Variants in ROBO2 observed in about 807,000 individuals in gnomAD.
The protein encoded by ROBO2 is roundabout guidance receptor 2.
In ROBO2, 53 loss-of-function variants were observed where a neutral mutation model predicts 160.8. The ratio of observed to expected loss-of-function variants is 0.33; its 90% CI spans 0.26 to 0.41. The LOEUF (loss-of-function observed/expected upper bound fraction) is 0.41. Among genes scored for constraint, ROBO2 ranks in the 10% least tolerant of loss-of-function variants. The probability of loss-of-function intolerance (pLI) is 1.00; values close to 1 mark genes in which losing one functional copy is unlikely to be tolerated. For missense variants in ROBO2, 1,577 were observed against 1,722.4 expected (o/e 0.92, Z 1.49); for synonymous variants, 664 against 611.7 (o/e 1.09, Z -1.26).
At chr3:76,874,997 C>A (rs975935438) in intron 2 of ROBO2, among the ~76,000 whole-genome samples, 1 of 152,150 alleles carries the variant, frequency 6.6e-6, no homozygotes, top group Non-Finnish European at 1.5e-5. Context: ...CATGTGTCCC[C>A]TCCAAAATTG....
chr3:75,941,285 C>T (rs997186380), intron 2 of ROBO2, among the ~76,000 whole-genome samples: 7 of 152,074 alleles, frequency 4.6e-5, no homozygotes, highest in Admixed American at 4.6e-4. Context: ...ATGGCTTTAA[C>T]AAAGAAGTGC....
At chr3:75,977,111 G>C (rs1354109064) in intron 2 of ROBO2, among the ~76,000 whole-genome samples, 1 of 151,360 alleles carries the variant, frequency 6.6e-6, no homozygotes, top group Non-Finnish European at 1.5e-5. Context: ...TATATGATAT[G>C]GTTAAAAGCA....
intron 2 of ROBO2, among the ~76,000 whole-genome samples, chr3:77,395,840 C>T (rs904648781): frequency 2.6e-5 from 4 of 151,912 alleles, no homozygotes; most frequent in Non-Finnish European, 5.9e-5. Flanking sequence ...TTTTGCATAG[C>T]GTCTTGTATA....
chr3:76,229,368 A>G (rs962483323), intron 2 of ROBO2, among the ~76,000 whole-genome samples: 4 of 151,966 alleles, frequency 2.6e-5, no homozygotes, highest in African/African-American at 9.7e-5. Context: ...AATTCAAAGT[A>G]AAATTACAAT....
intron 2 of ROBO2, among the ~76,000 whole-genome samples, chr3:76,492,079 T>C (rs1207733440): frequency 6.6e-6 from 1 of 152,000 alleles, no homozygotes. Flanking sequence ...ATCGTGCCAC[T>C]GCACTCCAGC....
At chr3:76,934,602 ATGG>A (rs2077569082) in intron 2 of ROBO2, among the ~76,000 whole-genome samples, 2 of 152,202 alleles carry the variant, frequency 1.3e-5, no homozygotes, top group South Asian at 4.2e-4. Flanking sequence ...TTAGCTGGAC[ATGG>A]TGGTGCATGC....
At chr3:76,543,807 T>C (rs907755233) in intron 2 of ROBO2, among the ~76,000 whole-genome samples, 2 of 151,972 alleles carry the variant, frequency 1.3e-5, no homozygotes, top group Non-Finnish European at 2.9e-5. Context: ...CAGACCATCT[T>C]TTTTTTGAAA....
chr3:76,328,919 T>TA (rs1438820628), intron 2 of ROBO2, among the ~76,000 whole-genome samples: 6 of 148,048 alleles, frequency 4.1e-5, no homozygotes, highest in African/African-American at 1.5e-4. Flanking sequence ...TATATATATA[T>TA]ATATATATAT....
intron 2 of ROBO2, among the ~76,000 whole-genome samples, chr3:75,977,809 C>T (rs1480116838): frequency 6.6e-6 from 1 of 151,486 alleles, no homozygotes. Context: ...ATTATTTTCA[C>T]TATTTACAAC....
chr3:77,100,497 T>C (rs1468176994), intron 2 of ROBO2, among the ~76,000 whole-genome samples: 2 of 151,928 alleles, frequency 1.3e-5, no homozygotes, highest in African/African-American at 4.8e-5. Context: ...AACTAATATG[T>C]ATTTTCATAA....
At chr3:76,307,975 G>A (rs1475144761) in intron 2 of ROBO2, among the ~76,000 whole-genome samples, 2 of 152,174 alleles carry the variant, frequency 1.3e-5, no homozygotes, top group African/African-American at 4.8e-5. Flanking sequence ...ACAGGGATGA[G>A]CAAAGGCTTG....
At chr3:77,513,696 C>G (rs116762677) in intron 5 of ROBO2, among the ~76,000 whole-genome samples, 3,325 of 151,832 alleles carry the variant, frequency 0.022, 117 homozygotes, top group African/African-American at 0.075. Context: ...TGACACAATT[C>G]AGTTTTCGTT....
At chr3:76,156,763 T>G (rs1050177391) in intron 2 of ROBO2, among the ~76,000 whole-genome samples, 1 of 151,964 alleles carries the variant, frequency 6.6e-6, no homozygotes, top group Non-Finnish European at 1.5e-5. Context: ...AAGTCAGGAG[T>G]TGGAGACCAG....
intron 2 of ROBO2, among the ~76,000 whole-genome samples, chr3:76,712,422 C>A (rs992188920): frequency 6.6e-6 from 1 of 152,226 alleles, no homozygotes; most frequent in Non-Finnish European, 1.5e-5. Context: ...CACCTGTAAT[C>A]TCAGCACTTT....
intron 2 of ROBO2, among the ~76,000 whole-genome samples, chr3:77,384,420 ATT>A (rs1302859529): frequency 6.6e-6 from 1 of 152,084 alleles, no homozygotes; most frequent in Non-Finnish European, 1.5e-5. Context: ...CTTCAATGTT[ATT>A]TATCTTTAAA....
At chr3:76,248,921 C>T (rs553896410) in intron 2 of ROBO2, among the ~76,000 whole-genome samples, 3 of 152,152 alleles carry the variant, frequency 2.0e-5, no homozygotes, top group African/African-American at 7.2e-5. Flanking sequence ...TACGCTGGTA[C>T]TAGCACAGAT....
chr3:76,485,293 G>A (rs1339963250), intron 2 of ROBO2, among the ~76,000 whole-genome samples: 1 of 151,922 alleles, frequency 6.6e-6, no homozygotes, highest in East Asian at 1.9e-4. Flanking sequence ...ATTCTCACAA[G>A]GAGCACGCAA....
chr3:77,211,213 A>C (rs1443800424), intron 2 of ROBO2, among the ~76,000 whole-genome samples: 1 of 152,172 alleles, frequency 6.6e-6, no homozygotes, highest in Non-Finnish European at 1.5e-5. Context: ...CAACAGTGTA[A>C]AAGTGTTCCT....
rs1014901072 is a variant in ROBO2 at position 76,527,317 on chromosome 3, G to T, written c.110-570697G>T. 3.3e-5 allele frequency among the ~76,000 whole-genome samples: 5 copies of T among 151,914 alleles called. No homozygotes were observed. In the South Asian group the frequency reaches 1.0e-3, roughly 32 times the overall value. ...AATCTATCACTAATTTTTTTAAAAA[G>T]TCAGAAGTGCAAGGGATCTTATGGA... On this transcript the variant is annotated intron_variant, in intron 2 of 26. Coordinates refer to the ROBO2 transcript ENST00000487694.
Sources: gnomAD v4.1 joint callset for allele counts (sites outside exome capture counted in the v4.1 genomes callset) on GRCh38, gnomAD v4.1.1 for gene constraint, MANE v1.5 for transcripts, NCBI Gene and HGNC (gene_info 2026-07-23, HGNC 2026-07-21) for gene names.